The following TMEM132B variants were observed in gnomAD, a reference collection of about 807,000 sequenced individuals.
TMEM132B encodes transmembrane protein 132B.
TMEM132B carries 18 observed loss-of-function variants against 90.8 expected under a neutral mutation model. The ratio of observed to expected loss-of-function variants is 0.20; its 90% CI spans 0.14 to 0.29. The LOEUF is 0.29. Among genes scored for constraint, TMEM132B ranks in the 10% least tolerant of loss-of-function variants. TMEM132B has a pLI of 1.00. For synonymous variants in TMEM132B, 504 were observed against 523.3 expected (o/e 0.96, Z 0.50); for missense variants, 1,096 against 1,326.8 (o/e 0.83, Z 2.70).
intron 1 of TMEM132B, among the ~76,000 whole-genome samples, chr12:125,197,949 G>T (rs1872962426): frequency 6.6e-6 from 1 of 152,204 alleles, no homozygotes; most frequent in Non-Finnish European, 1.5e-5. Flanking sequence ...GCACATGTGT[G>T]TGTGAGATAT....
chr12:125,369,578 T>C (rs1346222336), intron 2 of TMEM132B, among the ~76,000 whole-genome samples: 4 of 152,152 alleles, frequency 2.6e-5, no homozygotes, highest in Admixed American at 2.6e-4. Flanking sequence ...AAGATGAGAC[T>C]TAAAAATGTC....
intron 1 of TMEM132B, among the ~76,000 whole-genome samples, chr12:125,304,103 C>T (rs1875897443): frequency 6.6e-6 from 1 of 152,226 alleles, no homozygotes. Context: ...ATAAGGAGCA[C>T]ACAACCTAGA....
At chr12:125,383,928 A>G (rs192451100) in intron 2 of TMEM132B, among the ~76,000 whole-genome samples, 8 of 152,310 alleles carry the variant, frequency 5.3e-5, no homozygotes, top group Non-Finnish European at 8.8e-5. Flanking sequence ...GAAAAAGATT[A>G]GAAACTCTCT....
chr12:125,452,958 G>T (rs1343194702), intron 3 of TMEM132B, among the ~76,000 whole-genome samples: 1 of 151,964 alleles, frequency 6.6e-6, no homozygotes, highest in Non-Finnish European at 1.5e-5. Flanking sequence ...AAGTATTGCG[G>T]TAGTTTAATT....
chr12:125,635,932 G>A (rs979542098), intron 5 of TMEM132B, among the ~76,000 whole-genome samples: 1 of 151,990 alleles, frequency 6.6e-6, no homozygotes, highest in East Asian at 1.9e-4. Flanking sequence ...GCTATAATAG[G>A]GTGGCACTGA....
chr12:125,497,361 GTTGGCAGT>G (rs1411743126), intron 3 of TMEM132B, among the ~76,000 whole-genome samples: 9 of 152,196 alleles, frequency 5.9e-5, no homozygotes, highest in African/African-American at 2.2e-4. Context: ...TGGGTGTGGG[GTTGGCAGT>G]TTGAGGAATA....
intron 2 of TMEM132B, among the ~76,000 whole-genome samples, chr12:125,403,044 C>G (rs894657233): frequency 6.6e-6 from 1 of 152,056 alleles, no homozygotes; most frequent in Admixed American, 6.6e-5. Context: ...CCCAAATAAA[C>G]AGATTTTTAG....
At position 125,332,755 on chromosome 12, in the gene TMEM132B, A is replaced by G. The variant is rs955247022; in HGVS notation, c.68-16697A>G. ...TAAAAACTCGTCTTACAGATTCACT[A>G]AAGTGGCTTCTCTTTGCAACAGCCA... On this transcript the variant is annotated intron_variant, in intron 1 of 8. Coordinates refer to ENST00000682704, the MANE Select transcript of TMEM132B (RefSeq NM_001366854.1). 5.3e-5 allele frequency among the ~76,000 whole-genome samples: 8 copies of G among 152,226 alleles called. No homozygotes were observed. The South Asian group carries it at 1.7e-3, about 32-fold the overall frequency.
chr12:125,516,197 A>C (rs972019844), intron 3 of TMEM132B, among the ~76,000 whole-genome samples: 1 of 152,030 alleles, frequency 6.6e-6, no homozygotes, highest in Non-Finnish European at 1.5e-5. Flanking sequence ...GCACTCTCAC[A>C]TGCCTCCTTC....
chr12:125,362,716 T>C (rs1276368118), intron 2 of TMEM132B, among the ~76,000 whole-genome samples: 1 of 152,220 alleles, frequency 6.6e-6, no homozygotes, highest in Non-Finnish European at 1.5e-5. Flanking sequence ...AACCATGCAG[T>C]ATTTGTCCTT....
intron 1 of TMEM132B, among the ~76,000 whole-genome samples, chr12:125,258,825 C>T (rs1874497471): frequency 6.6e-6 from 1 of 152,088 alleles, no homozygotes; most frequent in African/African-American, 2.4e-5. Context: ...GATGTGGGGG[C>T]TGTTGTAGAT....
intron 5 of TMEM132B, among the ~76,000 whole-genome samples, chr12:125,612,564 T>C (rs902141927): frequency 6.9e-6 from 1 of 145,846 alleles, no homozygotes; most frequent in South Asian, 2.1e-4. Context: ...TATATATATA[T>C]AATATATATA....
intron 2 of TMEM132B, among the ~76,000 whole-genome samples, chr12:125,374,629 C>T (rs560875681): frequency 1.4e-4 from 21 of 151,954 alleles, no homozygotes; most frequent in African/African-American, 4.1e-4. Flanking sequence ...TCCCTCTGCC[C>T]TGCACCCCCC....
intron 5 of TMEM132B, among the ~76,000 whole-genome samples, chr12:125,611,642 C>T (rs1274801523): frequency 6.6e-6 from 1 of 151,884 alleles, no homozygotes; most frequent in East Asian, 1.9e-4. Flanking sequence ...TTTCTAATTT[C>T]TCTTGTTATT....
At chr12:125,311,101 A>G (rs901399658) in intron 1 of TMEM132B, among the ~76,000 whole-genome samples, 1 of 152,222 alleles carries the variant, frequency 6.6e-6, no homozygotes, top group Non-Finnish European at 1.5e-5. Context: ...ATAATTGAGC[A>G]TGACAAAAGG....
chr12:125,578,723 T>C (rs1316666524), intron 4 of TMEM132B, among the ~76,000 whole-genome samples: 1 of 152,228 alleles, frequency 6.6e-6, no homozygotes, highest in Non-Finnish European at 1.5e-5. Context: ...TATAAAATTC[T>C]TGGTTGACAG....
intron 3 of TMEM132B, among the ~76,000 whole-genome samples, chr12:125,423,146 G>C (rs1324275859): frequency 2.0e-5 from 3 of 152,174 alleles, no homozygotes; most frequent in Non-Finnish European, 4.4e-5. Context: ...CCCGGGCTGA[G>C]AATTCCTGGG....
At chr12:125,585,256 G>A (rs1222402070) in intron 5 of TMEM132B, 2 of 152,172 alleles carry the variant, frequency 1.3e-5, no homozygotes, top group Non-Finnish European at 2.9e-5. Context: ...AGGTGGACTG[G>A]CTTAAAACCT....
chr12:125,553,895 A>G (rs533848114), intron 4 of TMEM132B, among the ~76,000 whole-genome samples: 6 of 152,286 alleles, frequency 3.9e-5, no homozygotes, highest in Admixed American at 2.6e-4. Flanking sequence ...GTGTGGGGCC[A>G]TGAAAATGAC....
Sources: gnomAD v4.1 joint callset for allele counts (sites outside exome capture counted in the v4.1 genomes callset) on GRCh38, gnomAD v4.1.1 for gene constraint, MANE v1.5 for transcripts, NCBI Gene and HGNC (gene_info 2026-07-23, HGNC 2026-07-21) for gene names.